Variants in RANBP17 observed in about 807,000 individuals in gnomAD.
RANBP17 encodes ran-binding protein 17.
In RANBP17, 158 loss-of-function variants were observed where a neutral mutation model predicts 141.2. The ratio of observed to expected loss-of-function variants is 1.12; its 90% CI spans 0.98 to 1.28. The LOEUF is 1.28. Among genes scored for constraint, RANBP17 ranks in the 50% most tolerant of loss-of-function variants. The probability of loss-of-function intolerance (pLI) is 0.00; values close to 1 mark genes in which losing one functional copy is unlikely to be tolerated. For missense variants in RANBP17, 1,438 were observed against 1,290.7 expected (o/e 1.11, Z -1.75); for synonymous variants, 430 against 450.0 (o/e 0.96, Z 0.56).
intron 1 of RANBP17, among the ~76,000 whole-genome samples, chr5:170,864,527 A>T (rs1379253641): frequency 6.6e-6 from 1 of 152,166 alleles, no homozygotes; most frequent in Non-Finnish European, 1.5e-5. Context: ...GAAGCTGTGA[A>T]TTACGATACC....
intron 12 of RANBP17, among the ~76,000 whole-genome samples, chr5:170,933,278 T>A (rs1773556445): frequency 6.6e-6 from 1 of 152,204 alleles, no homozygotes; most frequent in African/African-American, 2.4e-5. Flanking sequence ...CATTTTTTAT[T>A]GTGTCTATTT....
intron 24 of RANBP17, among the ~76,000 whole-genome samples, chr5:171,258,594 C>T (rs902865212): frequency 6.6e-6 from 1 of 152,040 alleles, no homozygotes; most frequent in Non-Finnish European, 1.5e-5. Flanking sequence ...TACAGCCAAC[C>T]GATCTTCAAC....
chr5:170,954,673 T>A (rs1263592956), intron 13 of RANBP17, among the ~76,000 whole-genome samples: 6 of 151,652 alleles, frequency 4.0e-5, no homozygotes, highest in Non-Finnish European at 7.4e-5. Context: ...TGTTCCTCAA[T>A]TTTTTTTATT....
At chr5:171,102,832 G>GT (rs1787268059) in intron 14 of RANBP17, among the ~76,000 whole-genome samples, 1 of 151,772 alleles carries the variant, frequency 6.6e-6, no homozygotes, top group South Asian at 2.1e-4. Context: ...CTGTTTGTTA[G>GT]TTTTCCTTCT....
At chr5:171,136,826 C>T (rs1757323324) in intron 14 of RANBP17, among the ~76,000 whole-genome samples, 1 of 152,092 alleles carries the variant, frequency 6.6e-6, no homozygotes, top group East Asian at 1.9e-4. Context: ...TCATCATAGA[C>T]TTGAAACTTG....
intron 14 of RANBP17, among the ~76,000 whole-genome samples, chr5:170,972,266 C>G (rs1194300595): frequency 6.6e-6 from 1 of 151,052 alleles, no homozygotes. Flanking sequence ...ACTGCAACCT[C>G]CGCTTCCCAG....
In RANBP17 at chr5:170,918,703, C is replaced by T. The variant is rs1223782561; in HGVS notation, c.955-10C>T. On this transcript the variant is annotated splice_polypyrimidine_tract_variant and intron_variant, in intron 9 of 27. Coordinates refer to ENST00000523189, the MANE Select transcript of RANBP17 (RefSeq NM_022897.5). ...TGTTTTTAAGCCTTTCTTTTTGTCT[C>T]ATAATTTAGGGTTTGTCTGATCCAG... The T allele has an allele frequency of 1.9e-6, 3 of 1,580,822 alleles. No individual in the cohort carries two copies. The highest frequency in any genetic ancestry group is 1.4e-5 in the African/African-American group (1 of 72,772).
chr5:170,947,884 G>A (rs891578086), intron 12 of RANBP17, among the ~76,000 whole-genome samples: 1 of 152,250 alleles, frequency 6.6e-6, no homozygotes, highest in South Asian at 2.1e-4. Flanking sequence ...TTCTTGTAAA[G>A]GTTAGGCACA....
rs1776265522 is a variant in RANBP17 at position 170,963,064 on chromosome 5, A to G, written c.1575-5178A>G. On this transcript the variant is annotated intron_variant, in intron 13 of 27. Coordinates refer to ENST00000523189, the MANE Select transcript of RANBP17 (RefSeq NM_022897.5). ...GTAGCCTTAATTTTATGCAACCATT[A>G]AAAACAGTGCTTTGGAAAATTATTT... 3.9e-5 allele frequency among the ~76,000 whole-genome samples: 6 copies of G among 152,200 alleles called. No homozygotes were observed. In the South Asian group the frequency reaches 6.2e-4, roughly 16 times the overall value.
chr5:171,041,919 G>A (rs998840286), intron 14 of RANBP17, among the ~76,000 whole-genome samples: 2 of 151,748 alleles, frequency 1.3e-5, no homozygotes, highest in African/African-American at 4.8e-5. Flanking sequence ...ACAGGCCCTG[G>A]TATGCATCGT....
At chr5:171,292,757 G>A (rs542271286) in intron 25 of RANBP17, among the ~76,000 whole-genome samples, 1 of 152,320 alleles carries the variant, frequency 6.6e-6, no homozygotes, top group East Asian at 1.9e-4. Context: ...CACTTGCCTG[G>A]ACTATCGCAG....
At chr5:171,043,687 T>A (rs1782392654) in intron 14 of RANBP17, among the ~76,000 whole-genome samples, 1 of 152,164 alleles carries the variant, frequency 6.6e-6, no homozygotes. Flanking sequence ...CAATTCTCAA[T>A]TTCTTTATAT....
At chr5:170,949,203 AGATAGAC>A (rs1381974968) in intron 12 of RANBP17, among the ~76,000 whole-genome samples, 1 of 151,994 alleles carries the variant, frequency 6.6e-6, no homozygotes, top group Non-Finnish European at 1.5e-5. Context: ...AAAACAAATT[AGATAGAC>A]CAGAGTTTAT....
At chr5:171,030,993 T>C (rs1781516148) in intron 14 of RANBP17, among the ~76,000 whole-genome samples, 1 of 152,038 alleles carries the variant, frequency 6.6e-6, no homozygotes, top group Admixed American at 6.6e-5. Context: ...AGTAGTTTTT[T>C]AGGTAGACAC....
rs143723591 is a variant in RANBP17, at chr5:171,037,393, A to G, written c.1710+69016A>G. 3.0e-3 allele frequency among the ~76,000 whole-genome samples: 454 copies of G among 152,024 alleles called. 3 individuals are homozygous for G. The highest frequency in any genetic ancestry group is 0.01 in the African/African-American group (434 of 41,492). On this transcript the variant is annotated intron_variant, in intron 14 of 27. Transcript: ENST00000523189. Reference sequence around the variant, plus strand: ...TTTTCTCTCATTCTGTAGATTGTCTATTTATTCTGTTGATAGTTTCTTTTG... The same window carrying G: ...TTTTCTCTCATTCTGTAGATTGTCTGTTTATTCTGTTGATAGTTTCTTTTG...
intron 16 of RANBP17, among the ~76,000 whole-genome samples, chr5:171,180,155 G>A (rs767176639): frequency 2.6e-5 from 4 of 152,162 alleles, no homozygotes; most frequent in Non-Finnish European, 5.9e-5. Context: ...ATGCTGGCTC[G>A]TTAATGAATT....
At chr5:171,049,683 A>G (rs1038628140) in intron 14 of RANBP17, among the ~76,000 whole-genome samples, 8 of 152,172 alleles carry the variant, frequency 5.3e-5, no homozygotes, top group African/African-American at 1.2e-4. Context: ...AATCCTCTGC[A>G]TGTGACTAGC....
At chr5:171,033,419 TAAAG>T (rs1372238087) in intron 14 of RANBP17, among the ~76,000 whole-genome samples, 1 of 152,184 alleles carries the variant, frequency 6.6e-6, no homozygotes, top group Non-Finnish European at 1.5e-5. Flanking sequence ...GCGTCCATAT[TAAAG>T]AAGAAAATCC....
chr5:171,242,738 C>A lies in RANBP17; in HGVS notation c.2694C>A (p.Asp898Glu), dbSNP rs1469252647. 6 of 1,613,456 alleles carry A rather than the reference C, an allele frequency of 3.7e-6. No individual in the cohort carries two copies. The highest frequency in any genetic ancestry group is 5.1e-6 in the Non-Finnish European group (6 of 1,179,596). ...CACTCCTGGAATGTCTCACTCAGGA[C>A]CATATGAGCTTCATCATCAACTTAG... ...YYPLLECLTQ[D>E]HMSFIINLEP... is the part of the protein sequence containing the mutation. The change falls in exon 24 of 28, where the codon GAC becomes GAA. Residue 898 changes from aspartate to glutamate, a missense_variant. Coordinates refer to ENST00000523189, the MANE Select transcript of RANBP17 (RefSeq NM_022897.5).
Sources: allele counts gnomAD v4.1 joint callset (sites outside exome capture counted in the v4.1 genomes callset), GRCh38; gene constraint gnomAD v4.1.1; transcripts MANE v1.5; gene names NCBI Gene and HGNC (gene_info 2026-07-23, HGNC 2026-07-21).